The following C12orf54 variants were observed in gnomAD, a reference collection of about 807,000 sequenced individuals.
The protein encoded by C12orf54 is chromosome 12 open reading frame 54.
C12orf54 carries 24 observed loss-of-function variants against 26.4 expected under a neutral mutation model. The observed-to-expected ratio is 0.91, with a 90% confidence interval of 0.66 to 1.28. The LOEUF is 1.28. Among genes scored for constraint, C12orf54 ranks in the 50% most tolerant of loss-of-function variants. The probability of loss-of-function intolerance (pLI) is 0.00; values close to 1 mark genes in which losing one functional copy is unlikely to be tolerated. For missense variants in C12orf54, 154 were observed against 150.9 expected (o/e 1.02, Z -0.11); for synonymous variants, 54 against 47.0 (o/e 1.15, Z -0.61).
chr12:48,443,526 G>A, the C12orf54 span, among the ~76,000 whole-genome samples: 1 of 152,166 alleles, frequency 6.6e-6, no homozygotes, highest in Non-Finnish European at 1.5e-5. Flanking sequence ...TACAGAGAAA[G>A]GGAAATAATC....
chr12:48,439,449 G>A, the C12orf54 span, among the ~76,000 whole-genome samples: 1,016 of 152,252 alleles, frequency 6.7e-3, 6 homozygotes, highest in Admixed American at 0.011. Flanking sequence ...ACATGCACAC[G>A]TATGTTTATT....
At chr12:48,424,592 T>C in the C12orf54 span, among the ~76,000 whole-genome samples, 5 of 152,222 alleles carry the variant, frequency 3.3e-5, no homozygotes, top group Non-Finnish European at 7.4e-5. Flanking sequence ...GAAATCCTCA[T>C]ATGTTGCCAA....
At chr12:48,469,259 T>C in the C12orf54 span, among the ~76,000 whole-genome samples, 1 of 152,196 alleles carries the variant, frequency 6.6e-6, no homozygotes, top group African/African-American at 2.4e-5. Context: ...TTTCATCCTT[T>C]ATCTACAACT....
chr12:48,431,592 T>C, the C12orf54 span, among the ~76,000 whole-genome samples: 4 of 152,048 alleles, frequency 2.6e-5, no homozygotes, highest in Non-Finnish European at 5.9e-5. Context: ...AGGAATTAAA[T>C]TAGAAATAAA....
At chr12:48,427,794 T>A in the C12orf54 span, among the ~76,000 whole-genome samples, 1 of 152,022 alleles carries the variant, frequency 6.6e-6, no homozygotes, top group South Asian at 2.1e-4. Context: ...AAACAATGGA[T>A]TTAAACTATA....
the C12orf54 span, among the ~76,000 whole-genome samples, chr12:48,436,901 A>G: frequency 3.9e-5 from 6 of 152,272 alleles, no homozygotes; most frequent in Non-Finnish European, 7.3e-5. Flanking sequence ...TAAATAACTA[A>G]GATCAGAGCA....
At chr12:48,439,680 A>G in the C12orf54 span, among the ~76,000 whole-genome samples, 1 of 152,158 alleles carries the variant, frequency 6.6e-6, no homozygotes, top group African/African-American at 2.4e-5. Flanking sequence ...TCTCACTCAT[A>G]GGTGGGAATT....
the C12orf54 span, among the ~76,000 whole-genome samples, chr12:48,446,113 T>C: frequency 1.3e-5 from 2 of 152,238 alleles, no homozygotes; most frequent in South Asian, 2.1e-4. Context: ...CAATGTATCC[T>C]GTTTTTCTGA....
chr12:48,423,684 A>G, the C12orf54 span, among the ~76,000 whole-genome samples: 21,514 of 152,084 alleles, frequency 0.14, 2,053 homozygotes, highest in Non-Finnish European at 0.22. Context: ...ATATAGAAAT[A>G]CAATTGATTT....
chr12:48,431,862 G>A, the C12orf54 span, among the ~76,000 whole-genome samples: 6 of 152,144 alleles, frequency 3.9e-5, no homozygotes, highest in African/African-American at 1.4e-4. Flanking sequence ...TTTCTTTGGG[G>A]ATGACAAAAT....
At chr12:48,483,218 A>AGG in intron 1 of C12orf54, 22 bp from the exon 2 acceptor site, 1 of 1,280,052 alleles carries the variant, frequency 7.8e-7, no homozygotes, top group Non-Finnish European at 1.1e-6. Flanking sequence ...CCTTCTCCGC[A>AGG]TATTCATTTA....
At chr12:48,459,895 AC>A in the C12orf54 span, among the ~76,000 whole-genome samples, 3 of 152,158 alleles carry the variant, frequency 2.0e-5, no homozygotes, top group East Asian at 5.8e-4. Flanking sequence ...TGAGGTCTAG[AC>A]TTTTAACTGG....
At chr12:48,434,828 A>G in the C12orf54 span, among the ~76,000 whole-genome samples, 1 of 152,212 alleles carries the variant, frequency 6.6e-6, no homozygotes, top group Non-Finnish European at 1.5e-5. Context: ...AGAACAGAAA[A>G]AACAGAAATT....
intron 7 of C12orf54, among the ~76,000 whole-genome samples, chr12:48,493,493 G>A (rs1036722938): frequency 2.6e-5 from 4 of 151,794 alleles, no homozygotes; most frequent in Admixed American, 6.6e-5. Flanking sequence ...GGTGGTGCAT[G>A]CCTGTAGTCC....
the C12orf54 span, among the ~76,000 whole-genome samples, chr12:48,448,388 C>T: frequency 2.0e-5 from 3 of 152,046 alleles, no homozygotes; most frequent in Admixed American, 2.0e-4. Context: ...TCTGAAATTA[C>T]CTTGTTTTCA....
chr12:48,486,408 A>G (rs1954265323), intron 3 of C12orf54, 200 bp downstream of exon 3: 1 of 632,174 alleles, frequency 1.6e-6, no homozygotes, highest in Admixed American at 2.9e-5. Context: ...CCAGATGACT[A>G]AAGGGGCAGG....
the C12orf54 span, among the ~76,000 whole-genome samples, chr12:48,439,275 C>T: frequency 6.6e-6 from 1 of 152,108 alleles, no homozygotes; most frequent in South Asian, 2.1e-4. Context: ...TGTGGAGAAA[C>T]AGGAACACTT....
chr12:48,484,495 G>A (rs973951671), intron 2 of C12orf54, among the ~76,000 whole-genome samples: 1 of 152,138 alleles, frequency 6.6e-6, no homozygotes, highest in African/African-American at 2.4e-5. Flanking sequence ...GCTTTTTTTG[G>A]TGGTAAAAGT....
At chr12:48,451,268 G>A in the C12orf54 span, among the ~76,000 whole-genome samples, 5 of 151,094 alleles carry the variant, frequency 3.3e-5, no homozygotes, top group Non-Finnish European at 7.4e-5. Flanking sequence ...AAAAGGCTTT[G>A]ATAAAATTCA....
Sources: allele counts gnomAD v4.1 joint callset (sites outside exome capture counted in the v4.1 genomes callset), GRCh38; gene constraint gnomAD v4.1.1; transcripts MANE v1.5; gene names NCBI Gene and HGNC (gene_info 2026-07-23, HGNC 2026-07-21).